MUC12: variants seen among roughly 807,000 people sequenced by gnomAD.
The protein encoded by MUC12 is mucin-12.
Under a neutral mutation model 230.8 loss-of-function variants are expected in MUC12, and 172 were observed. The observed-to-expected ratio is 0.75, with a 90% CI of 0.66 to 0.85. The LOEUF is 0.85. Among genes scored for constraint, MUC12 ranks in the 40% least tolerant of loss-of-function variants. The pLI is 0.00. For synonymous variants in MUC12, 1,259 were observed against 2,401.9 expected, an observed-to-expected ratio of 0.52 and a Z score of 13.91; for missense variants, 3,506 against 5,920.6, an observed-to-expected ratio of 0.59 and a Z score of 13.38.
rs1426615080 is a variant in MUC12, at chr7:101,012,329, C to T, written c.15285C>T (p.Ile5095=). 12 of 1,537,200 alleles carry T rather than the reference C, an allele frequency of 7.8e-6. No individual in the cohort carries two copies. Among genetic ancestry groups the T allele is most frequent in the Non-Finnish European group, 1.0e-5 (12 of 1,146,938 alleles). ...NGSIVVKNDV[I]LEADYTLEYE... is the part of the protein sequence containing the mutation. ...GCATCGTGGTCAAGAACGATGTCAT[C>T]CTGGAGGCAGACTACACTTTAGAGT... Residue 5095 remains isoleucine (I), a synonymous_variant, in exon 6 of 12, where the codon ATC becomes ATT. Coordinates refer to ENST00000536621, the MANE Select transcript of MUC12 (RefSeq NM_001164462.2).
chr7:101,017,570 T>G lies in MUC12; in HGVS notation c.15878-5T>G, dbSNP rs1307804364. The G allele has an allele frequency of 2.0e-6, 3 of 1,533,154 alleles. No homozygotes were observed. 95.0% of individuals were successfully genotyped at this position (1,533,154 alleles called of 1,614,324 possible). A position where few individuals can be genotyped will look rare whatever the true frequency, so the allele number is the denominator to read the frequency against. ...CCCATCACTCATCACGGCCTCTCCCTACAGACCAGAATCTGAGGGAGAGCA... is the reference window on the plus strand; with the variant it reads ...CCCATCACTCATCACGGCCTCTCCCGACAGACCAGAATCTGAGGGAGAGCA... On this transcript the variant is annotated splice_region_variant and splice_polypyrimidine_tract_variant and intron_variant, in intron 10 of 11. Coordinates refer to ENST00000536621, the MANE Select transcript of MUC12 (RefSeq NM_001164462.2).
rs1367868983 is a variant in MUC12 at position 100,995,453 on chromosome 7, A to T, written c.4890A>T (p.Pro1630=). ...PGSTTASSLG[P]ESTTFHSSPG... ...GTACCACAGCATCATCCCTTGGTCC[A>T]GAATCTACTACTTTCCACAGCAGCC... is the stretch of plus-strand genomic sequence containing the variant. The change falls in exon 2 of 12, where the codon CCA becomes CCT. Residue 1630 remains proline, a synonymous_variant. Coordinates refer to ENST00000536621, the MANE Select transcript of MUC12 (RefSeq NM_001164462.2). The T allele has an allele frequency of 6.5e-7, 1 of 1,530,466 alleles. No homozygotes were observed. Among genetic ancestry groups the T allele is most frequent in the East Asian group, 2.4e-5 (1 of 40,888 alleles). 94.8% of individuals were successfully genotyped at this position (1,530,466 alleles called of 1,614,324 possible). A position where few individuals can be genotyped will look rare whatever the true frequency, so the allele number is the denominator to read the frequency against.
chr7:101,013,159 G>A lies in MUC12; in HGVS notation c.15638+17G>A. 1.3e-6 allele frequency: 2 copies of A among 1,536,976 alleles called. No individual in the cohort carries two copies. The highest frequency in any genetic ancestry group is 1.7e-6 in the Non-Finnish European group (2 of 1,146,788). On this transcript the variant is annotated intron_variant, in intron 8 of 11. Coordinates refer to ENST00000536621, the MANE Select transcript of MUC12 (RefSeq NM_001164462.2). ...CCGCTGCCTGTGAGTGTCCCCATAA[G>A]CCCAGCACCCACTCTGTCCTGGTGA...
At chr7:101,008,876 C>T (rs542578641) in intron 4 of MUC12, 115 bp downstream of exon 4, 1 of 1,378,854 alleles carries the variant, frequency 7.3e-7, no homozygotes, top group Non-Finnish European at 9.6e-7. Flanking sequence ...CCCTCCCTAC[C>T]AGTCTCCCTA....
intron 3 of MUC12, among the ~76,000 whole-genome samples, chr7:101,007,021 C>T (rs772009561): frequency 1.8e-4 from 28 of 152,156 alleles, no homozygotes; most frequent in Admixed American, 3.3e-4. Flanking sequence ...TGTGATGGCA[C>T]GATCTTGGCT....
rs562943799 is a variant in MUC12 at position 101,017,612 on chromosome 7, C to T, written c.15915C>T (p.Asn5305=). Residue 5305 remains asparagine (N), a synonymous_variant, in exon 11 of 12, where the codon AAC becomes AAT. Coordinates refer to ENST00000536621, the MANE Select transcript of MUC12 (RefSeq NM_001164462.2). ...GGGAGAGCAGATTCGGCCTTGAGAACGCCTACAACAACTTCCGGCCCACCC... is the reference window on the plus strand; with the variant it reads ...GGGAGAGCAGATTCGGCCTTGAGAATGCCTACAACAACTTCCGGCCCACCC... ...NLRESRFGLE[N]AYNNFRPTLE... is the part of the protein sequence containing the mutation. 7.2e-6 allele frequency: 11 copies of T among 1,536,078 alleles called. No individual in the cohort carries two copies. The African/African-American group carries it at 9.6e-5, about 13-fold the overall frequency.
chr7:100,990,787 C>T lies in MUC12; in HGVS notation c.224C>T (p.Ser75Leu), dbSNP rs1403374466. Residue 75 changes from serine (S) to leucine (L), a missense_variant, in exon 2 of 12, where the codon TCA (serine) becomes TTA (leucine). By Grantham distance (145) the Ser-to-Leu change is moderately radical. Transcript: ENST00000536621. The stretch of plus-strand genomic sequence containing the variant: ...CACTTCCTTGACAGCTCCACAAACT[C>T]AGGCCACAGTGAGGAATCAACAGTA... ...TKHFLDSSTN[S>L]GHSEESTVSH... 5.2e-6 allele frequency: 8 copies of T among 1,537,742 alleles called. No homozygotes were observed. The highest frequency in any genetic ancestry group is 2.0e-5 in the Admixed American group (1 of 50,980).
chr7:100,991,825 C>A lies in MUC12; in HGVS notation c.1262C>A (p.Thr421Lys), dbSNP rs1388418547. 12 of 1,537,554 alleles carry A rather than the reference C, an allele frequency of 7.8e-6. No homozygotes were observed. Among genetic ancestry groups the A allele is most frequent in the Non-Finnish European group, 1.0e-5 (12 of 1,146,828 alleles). ...CACAGCAGCCTGGGCTCAACTGAAA[C>A]AACACACTTCCGTGATAGCTCCACA... ...SYHSSLGSTETTHFRDSSTIS... is the reference protein window; with the variant it reads ...SYHSSLGSTEKTHFRDSSTIS... Residue 421 changes from threonine to lysine, a missense_variant, in exon 2 of 12, where the codon ACA becomes AAA. Thr to Lys is a moderately conservative substitution (Grantham distance 78). Transcript: ENST00000536621.
At chr7:100,971,035 A>T (rs1460992744) in intron 1 of MUC12, among the ~76,000 whole-genome samples, 1 of 152,142 alleles carries the variant, frequency 6.6e-6, no homozygotes, top group Non-Finnish European at 1.5e-5. Flanking sequence ...ACACGCCTGT[A>T]GTCTCAGCTA....
intron 1 of MUC12, among the ~76,000 whole-genome samples, chr7:100,980,191 G>T (rs1157967467): frequency 6.6e-6 from 1 of 152,024 alleles, no homozygotes; most frequent in Non-Finnish European, 1.5e-5. Context: ...CTATAGGTGT[G>T]CCACCACACT....
intron 1 of MUC12, among the ~76,000 whole-genome samples, chr7:100,970,708 C>G (rs956475396): frequency 6.6e-6 from 1 of 151,934 alleles, no homozygotes; most frequent in Non-Finnish European, 1.5e-5. Flanking sequence ...CCCAACTCCA[C>G]CAAAAATATA....
chr7:101,016,620 T>C (rs1793925511), intron 10 of MUC12, among the ~76,000 whole-genome samples: 1 of 151,030 alleles, frequency 6.6e-6, no homozygotes, highest in South Asian at 2.1e-4. Flanking sequence ...CGGTCACATT[T>C]TGAATTTTTT....
At chr7:100,972,894 G>A in intron 1 of MUC12, 5 of 703,012 alleles carry the variant, frequency 7.1e-6, no homozygotes, top group Non-Finnish European at 1.3e-5. Context: ...TGGAGAAGCA[G>A]ACAGTCGAGC....
chr7:100,981,703 G>A (rs990556914), intron 1 of MUC12, among the ~76,000 whole-genome samples: 1 of 152,092 alleles, frequency 6.6e-6, no homozygotes, highest in Non-Finnish European at 1.5e-5. Flanking sequence ...CAGGAACAAA[G>A]GCAAAAGAGA....
intron 1 of MUC12, among the ~76,000 whole-genome samples, chr7:100,971,790 T>C (rs1453754505): frequency 6.6e-6 from 1 of 152,310 alleles, no homozygotes; most frequent in Admixed American, 6.5e-5. Flanking sequence ...AGCAGATCTC[T>C]GTAGTCAGAT....
intron 3 of MUC12, among the ~76,000 whole-genome samples, chr7:101,008,394 G>C (rs1793789636): frequency 6.6e-6 from 1 of 152,080 alleles, no homozygotes; most frequent in South Asian, 2.1e-4. Flanking sequence ...ACAGCACCCG[G>C]CCCAGGGCTC....
chr7:100,969,617 C>A lies in MUC12; in HGVS notation c.-6C>A. 6.5e-7 allele frequency: 1 copy of A among 1,536,378 alleles called. No homozygotes were observed. The highest frequency in any genetic ancestry group is 8.7e-7 in the Non-Finnish European group (1 of 1,146,112). On this transcript the variant is annotated 5_prime_UTR_variant, in exon 1 of 12. Coordinates refer to ENST00000536621, the MANE Select transcript of MUC12 (RefSeq NM_001164462.2). ...GATGGGCAGCCAGGGGCCCGTTCCC[C>A]GGGAGATGCTGGTGATCTGGATTCT...
chr7:100,986,417 C>CAA (rs111411249), intron 1 of MUC12, among the ~76,000 whole-genome samples: 7,775 of 134,926 alleles, frequency 0.058, 613 homozygotes, highest in East Asian at 0.43. Context: ...GACCCTGTCT[C>CAA]AAAAAAAAAA....
At chr7:101,011,039 G>A (rs187259126) in intron 5 of MUC12, among the ~76,000 whole-genome samples, 16 of 152,292 alleles carry the variant, frequency 1.1e-4, no homozygotes, top group East Asian at 7.7e-4. Flanking sequence ...GGCTCAGGTC[G>A]GGGGTGAGGG....
Sources: gnomAD v4.1 joint callset for allele counts (sites outside exome capture counted in the v4.1 genomes callset) on GRCh38, gnomAD v4.1.1 for gene constraint, MANE v1.5 for transcripts, NCBI Gene and HGNC (gene_info 2026-07-23, HGNC 2026-07-21) for gene names.